Variants in CSMD1 observed in about 807,000 individuals in gnomAD.
CSMD1 encodes the protein CUB and sushi domain-containing protein 1.
A neutral mutation model predicts 417.5 loss-of-function variants in CSMD1; 213 were observed. That is an observed-to-expected ratio of 0.51 (90% confidence interval 0.46 to 0.57). The LOEUF (loss-of-function observed/expected upper bound fraction) is 0.57. Among genes scored for constraint, CSMD1 ranks in the 20% least tolerant of loss-of-function variants. The pLI, the probability that CSMD1 is intolerant of heterozygous loss-of-function variation, is 0.00. For missense variants in CSMD1, 6,923 were observed against 4,529.7 expected (o/e 1.53, Z -15.17); for synonymous variants, 2,862 against 1,736.8 (o/e 1.65, Z -16.11).
intron 2 of CSMD1, among the ~76,000 whole-genome samples, chr8:4,509,885 C>A (rs562855701): frequency 2.0e-5 from 3 of 152,124 alleles, no homozygotes; most frequent in East Asian, 1.9e-4. Context: ...CAGCTCCTGT[C>A]GCCCTGACAG....
chr8:4,374,243 C>G (rs1802576314), intron 3 of CSMD1, among the ~76,000 whole-genome samples: 2 of 152,140 alleles, frequency 1.3e-5, no homozygotes, highest in Admixed American at 1.3e-4. Flanking sequence ...TCATCACCAT[C>G]ACTAACGTGT....
chr8:3,496,000 C>G (rs139429854), intron 10 of CSMD1, among the ~76,000 whole-genome samples: 2 of 152,116 alleles, frequency 1.3e-5, no homozygotes, highest in Non-Finnish European at 2.9e-5. Context: ...CACCTGTCAA[C>G]CCATCACCTA....
rs958220309 is a variant in CSMD1 at position 4,637,950 on chromosome 8, G to A, written c.86-392C>T. 4.6e-5 allele frequency among the ~76,000 whole-genome samples: 7 copies of A among 152,208 alleles called. No individual in the cohort carries two copies. In the South Asian group the frequency reaches 6.2e-4, roughly 14 times the overall value. On this transcript the variant is annotated intron_variant, in intron 1 of 69. Coordinates refer to ENST00000635120, the MANE Select transcript of CSMD1 (RefSeq NM_033225.6). ...CTCCCAAAGTGCTGGGATTACAGGC[G>A]TGAGCCACCGCGCCCGGCCTAGCCA...
chr8:3,914,846 C>A (rs761216345), intron 5 of CSMD1, among the ~76,000 whole-genome samples: 6 of 152,088 alleles, frequency 3.9e-5, no homozygotes, highest in African/African-American at 4.8e-5. Context: ...AATGCAAATA[C>A]TTCCAAGGCA....
At chr8:4,871,557 T>A (rs1802741477) in intron 1 of CSMD1, among the ~76,000 whole-genome samples, 1 of 152,146 alleles carries the variant, frequency 6.6e-6, no homozygotes, top group Admixed American at 6.5e-5. Context: ...TGTTTTTATG[T>A]TTTGCTTTTA....
chr8:4,286,038 T>C (rs1417473118), intron 3 of CSMD1, among the ~76,000 whole-genome samples: 3 of 152,186 alleles, frequency 2.0e-5, no homozygotes, highest in East Asian at 1.9e-4. Context: ...CTTGGCTTAG[T>C]GGAATTTGTA....
chr8:3,754,394 T>C (rs974621929), intron 5 of CSMD1, among the ~76,000 whole-genome samples: 19 of 152,068 alleles, frequency 1.2e-4, no homozygotes, highest in African/African-American at 4.6e-4. Context: ...AGGAAAATGA[T>C]AAAATTCTGT....
intron 8 of CSMD1, among the ~76,000 whole-genome samples, chr8:3,599,189 G>A (rs1330342305): frequency 1.3e-5 from 2 of 150,642 alleles, no homozygotes; most frequent in African/African-American, 4.9e-5. Flanking sequence ...GTGAGATGAG[G>A]GATACTGTAT....
intron 1 of CSMD1, among the ~76,000 whole-genome samples, chr8:4,771,720 C>T (rs1018562833): frequency 2.0e-5 from 3 of 152,152 alleles, no homozygotes; most frequent in African/African-American, 7.2e-5. Context: ...GTCAGGCTAG[C>T]GGAGGGAGAA....
chr8:3,446,185 G>C (rs1186060416), intron 12 of CSMD1, among the ~76,000 whole-genome samples: 1 of 151,958 alleles, frequency 6.6e-6, no homozygotes, highest in African/African-American at 2.4e-5. Flanking sequence ...AAAAGAGGAT[G>C]AGGGAGAAAA....
At chr8:4,190,181 C>T (rs140986580) in intron 3 of CSMD1, among the ~76,000 whole-genome samples, 5,029 of 149,570 alleles carry the variant, frequency 0.034, 297 homozygotes, top group African/African-American at 0.12. Context: ...ATGGCGTGAA[C>T]CTGGGAGGTG....
chr8:3,312,423 G>A (rs761791129), intron 23 of CSMD1, among the ~76,000 whole-genome samples: 2 of 152,098 alleles, frequency 1.3e-5, no homozygotes, highest in Non-Finnish European at 2.9e-5. Context: ...AAAGCCTCTA[G>A]GCTTGTGTGA....
chr8:3,861,415 G>C (rs1343447778), intron 5 of CSMD1, among the ~76,000 whole-genome samples: 2 of 152,184 alleles, frequency 1.3e-5, no homozygotes, highest in African/African-American at 2.4e-5. Flanking sequence ...ACCCTGATTG[G>C]TAAATTGCAT....
At chr8:2,970,958 C>A (rs78078070) in intron 57 of CSMD1, among the ~76,000 whole-genome samples, 6,587 of 152,216 alleles carry the variant, frequency 0.043, 516 homozygotes, top group African/African-American at 0.15. Flanking sequence ...CAGATTCATC[C>A]ACTGTTTACA....
At chr8:3,851,193 G>A (rs957877444) in intron 5 of CSMD1, among the ~76,000 whole-genome samples, 1 of 152,190 alleles carries the variant, frequency 6.6e-6, no homozygotes, top group African/African-American at 2.4e-5. Flanking sequence ...CAAAGCATGA[G>A]CCTGCTCATT....
At chr8:3,289,235 A>G (rs1803375683) in intron 25 of CSMD1, among the ~76,000 whole-genome samples, 1 of 147,276 alleles carries the variant, frequency 6.8e-6, no homozygotes, top group African/African-American at 2.7e-5. Flanking sequence ...GTTGTTGGAC[A>G]TTTAGGTTGG....
intron 3 of CSMD1, among the ~76,000 whole-genome samples, 177 bp downstream of exon 3, chr8:4,419,776 A>C (rs17070242): frequency 0.12 from 18,473 of 152,188 alleles, 1,251 homozygotes; most frequent in African/African-American, 0.13. Context: ...TTTGGGCTGG[A>C]AAGTTTGGCG....
At chr8:3,221,189 G>A (rs556541254) in intron 28 of CSMD1, among the ~76,000 whole-genome samples, 1 of 152,216 alleles carries the variant, frequency 6.6e-6, no homozygotes, top group South Asian at 2.1e-4. Flanking sequence ...TCGGTGCAAC[G>A]CCCAGCCTGC....
At chr8:3,264,971 A>G (rs1417991701) in intron 26 of CSMD1, among the ~76,000 whole-genome samples, 2 of 152,164 alleles carry the variant, frequency 1.3e-5, no homozygotes, top group Non-Finnish European at 2.9e-5. Context: ...TGCTAAGTAT[A>G]TTACCAGGGT....
Sources: gnomAD v4.1 joint callset for allele counts (sites outside exome capture counted in the v4.1 genomes callset) on GRCh38, gnomAD v4.1.1 for gene constraint, MANE v1.5 for transcripts, NCBI Gene and HGNC (gene_info 2026-07-23, HGNC 2026-07-21) for gene names.